Variants in SPINT2 observed in about 807,000 individuals in gnomAD.
SPINT2 encodes the protein kunitz-type protease inhibitor 2.
In SPINT2, 18 loss-of-function variants were observed where a neutral mutation model predicts 30.1. The observed-to-expected ratio is 0.60, with a 90% confidence interval of 0.41 to 0.89. SPINT2 has a LOEUF of 0.89. Ranked by LOEUF, SPINT2 falls within the 40% of genes least tolerant of loss-of-function variation. SPINT2 has a pLI of 0.00. For missense variants in SPINT2, 276 were observed against 334.3 expected, an observed-to-expected ratio of 0.83 and a Z score of 1.36; for synonymous variants, 139 against 137.9, an observed-to-expected ratio of 1.01 and a Z score of -0.05.
intron 1 of SPINT2, among the ~76,000 whole-genome samples, chr19:38,267,470 A>G (rs1968393039): frequency 6.6e-6 from 1 of 151,956 alleles, no homozygotes; most frequent in Non-Finnish European, 1.5e-5. Flanking sequence ...CTGTATGAAA[A>G]CATGAGGGGG....
At chr19:38,274,011 AT>A (rs1968487026) in intron 1 of SPINT2, among the ~76,000 whole-genome samples, 1 of 152,150 alleles carries the variant, frequency 6.6e-6, no homozygotes, top group Non-Finnish European at 1.5e-5. Flanking sequence ...CGGGTGGATC[AT>A]TTGAGCCCAG....
At chr19:38,287,331 T>C (rs1968654204) in intron 2 of SPINT2, among the ~76,000 whole-genome samples, 1 of 152,226 alleles carries the variant, frequency 6.6e-6, no homozygotes, top group Non-Finnish European at 1.5e-5. Context: ...CCGGAGTAGC[T>C]GGGACTACAG....
At position 38,264,813 on chromosome 19, in the gene SPINT2, C is replaced by G. The variant is rs1383812420; in HGVS notation, c.-80C>G. ...AACGCGAGGCGCTCCATTGCGCGTG[C>G]GCGTTGAGGGGCTTCCCGCACCTGA... On this transcript the variant is annotated 5_prime_UTR_variant, in exon 1 of 7. Coordinates refer to ENST00000301244, the MANE Select transcript of SPINT2 (RefSeq NM_021102.4). 7.0e-7 allele frequency: 1 copy of G among 1,422,976 alleles called. No homozygotes were observed. The highest frequency in any genetic ancestry group is 9.5e-7 in the Non-Finnish European group (1 of 1,050,848). The allele number at this position is 1,422,976 out of a possible 1,614,324, so 88.1% of individuals were successfully genotyped here. A position where few individuals can be genotyped will look rare whatever the true frequency, so the allele number is the denominator to read the frequency against.
At chr19:38,275,708 C>T (rs1968508734) in intron 1 of SPINT2, among the ~76,000 whole-genome samples, 1 of 151,342 alleles carries the variant, frequency 6.6e-6, no homozygotes, top group African/African-American at 2.4e-5. Context: ...TAGGTATGAG[C>T]CACCATGCCC....
At chr19:38,289,033 A>T in intron 3 of SPINT2, 105 bp from the exon 4 acceptor site, 1 of 1,012,364 alleles carries the variant, frequency 9.9e-7, no homozygotes, top group Non-Finnish European at 1.6e-6. Context: ...ACCCCTTCTT[A>T]AAGGCGTGTC....
chr19:38,290,538 C>A lies in SPINT2; in HGVS notation c.555C>A (p.Arg185=). ...SEEACMLRCF[R]QQENPPLPLG... ...CTCAGGCTGTGTGTTCTCTTCCAGG[C>A]CAGCAGGAGAATCCTCCCCTGCCCC... Residue 185 remains arginine (R), a splice_region_variant and synonymous_variant, in exon 6 of 7, where the codon CGC becomes CGA. Coordinates refer to ENST00000301244, the MANE Select transcript of SPINT2 (RefSeq NM_021102.4). The surrounding 1 kb of genome is among the most constrained non-coding windows in gnomAD (Gnocchi z 4.3). 1 of 1,614,100 alleles carries A rather than the reference C, an allele frequency of 6.2e-7. No individual in the cohort carries two copies. The highest frequency in any genetic ancestry group is 8.5e-7 in the Non-Finnish European group (1 of 1,180,010).
chr19:38,286,558 A>G (rs1968643468), intron 2 of SPINT2, among the ~76,000 whole-genome samples: 1 of 152,150 alleles, frequency 6.6e-6, no homozygotes, highest in African/African-American at 2.4e-5. Context: ...AGGTGGGCAG[A>G]CCAAGAGGTC....
chr19:38,281,927 A>T (rs1968585665), intron 1 of SPINT2, among the ~76,000 whole-genome samples: 1 of 152,194 alleles, frequency 6.6e-6, no homozygotes, highest in Non-Finnish European at 1.5e-5. Flanking sequence ...TTTTATGGAC[A>T]TACTGTACAC....
chr19:38,264,675 C>G lies in SPINT2; in HGVS notation c.-218C>G. 1 of 567,550 alleles carries G rather than the reference C, an allele frequency of 1.8e-6. No individual in the cohort carries two copies. Among genetic ancestry groups the G allele is most frequent in the East Asian group, 3.1e-5 (1 of 32,356 alleles). 35.2% of individuals were successfully genotyped at this position (567,550 alleles called of 1,614,324 possible). On this transcript the variant is annotated 5_prime_UTR_variant, in exon 1 of 7. Coordinates refer to ENST00000301244, the MANE Select transcript of SPINT2 (RefSeq NM_021102.4). ...AGGCGGCGAGGGCGCGAGTGAGGAG[C>G]AGACCCAGGCATCGCGCGCCGAGAA...
At chr19:38,287,319 C>G (rs1055323536) in intron 2 of SPINT2, among the ~76,000 whole-genome samples, 1 of 152,246 alleles carries the variant, frequency 6.6e-6, no homozygotes, top group Admixed American at 6.5e-5. Flanking sequence ...CTGCCTCAGC[C>G]TCCGGAGTAG....
chr19:38,280,535 G>A (rs870218), intron 1 of SPINT2, among the ~76,000 whole-genome samples: 20,170 of 152,052 alleles, frequency 0.13, 1,490 homozygotes, highest in South Asian at 0.22. Context: ...TCCTCAGCAC[G>A]AGGGCACTGG....
intron 1 of SPINT2, among the ~76,000 whole-genome samples, chr19:38,265,866 G>A (rs189697564): frequency 8.5e-4 from 129 of 152,330 alleles, no homozygotes; most frequent in African/African-American, 3.0e-3. Flanking sequence ...CTGGGTTCCT[G>A]CATTCACAGA....
intron 1 of SPINT2, among the ~76,000 whole-genome samples, chr19:38,282,861 A>T (rs909361102): frequency 4.6e-5 from 7 of 152,212 alleles, no homozygotes; most frequent in Non-Finnish European, 8.8e-5. Context: ...CAGGAAAAGC[A>T]CGTGTGAGGA....
intron 1 of SPINT2, among the ~76,000 whole-genome samples, chr19:38,278,108 G>A (rs1160322161): frequency 6.6e-6 from 1 of 152,136 alleles, no homozygotes; most frequent in East Asian, 1.9e-4. Flanking sequence ...AATGTGTCCA[G>A]CCCATTTCCC....
intron 3 of SPINT2, chr19:38,288,565 G>A (rs1968672019): frequency 5.0e-6 from 1 of 200,560 alleles, no homozygotes; most frequent in African/African-American, 2.3e-5. Context: ...TGGACTCTGG[G>A]AGGCTGCTGT....
At chr19:38,271,581 C>T (rs533897212) in intron 1 of SPINT2, among the ~76,000 whole-genome samples, 1 of 152,160 alleles carries the variant, frequency 6.6e-6, no homozygotes, top group East Asian at 1.9e-4. Context: ...TGCCTGTAAT[C>T]CCAGCACTTT....
chr19:38,275,978 C>T (rs927373257), intron 1 of SPINT2, among the ~76,000 whole-genome samples: 11 of 152,100 alleles, frequency 7.2e-5, no homozygotes, highest in Middle Eastern at 3.4e-3. Context: ...CCACCTGCCT[C>T]GGCCTCCCAA....
intron 1 of SPINT2, among the ~76,000 whole-genome samples, chr19:38,271,362 G>A (rs961894243): frequency 6.6e-6 from 1 of 151,896 alleles, no homozygotes; most frequent in East Asian, 1.9e-4. Context: ...CGTGGTGGCG[G>A]GCGCCTATAG....
In SPINT2 at chr19:38,292,000, C is replaced by A; in HGVS notation, c.753C>A (p.Val251=). ...AGCAGCTGGTGAAGAACACATATGT[C>A]CTGTGACCGCCCTGTCGCCAAGAGG... ...DKEQLVKNTY[V]L is the part of the protein sequence containing the mutation. The change falls in exon 7 of 7, where the codon GTC becomes GTA. Residue 251 remains valine, a synonymous_variant. Coordinates refer to ENST00000301244, the MANE Select transcript of SPINT2 (RefSeq NM_021102.4). 1 of 1,614,010 alleles carries A rather than the reference C, an allele frequency of 6.2e-7. No homozygotes were observed. The highest frequency in any genetic ancestry group is 1.1e-5 in the South Asian group (1 of 91,048).
Sources: gnomAD v4.1 joint callset for allele counts (sites outside exome capture counted in the v4.1 genomes callset) on GRCh38, gnomAD v4.1.1 for gene constraint, Gnocchi (gnomAD v3.1) non-coding constraint, MANE v1.5 for transcripts, NCBI Gene and HGNC (gene_info 2026-07-23, HGNC 2026-07-21) for gene names.